Variants in ANKFN1 observed in about 807,000 individuals in gnomAD.
ANKFN1 encodes ankyrin repeat and fibronectin type-III domain-containing protein 1.
A neutral mutation model predicts 108.7 loss-of-function variants in ANKFN1; 74 were observed. The ratio of observed to expected loss-of-function variants is 0.68; its 90% CI spans 0.56 to 0.83. ANKFN1 has a LOEUF of 0.83. ANKFN1 is among the 40% of genes least tolerant of loss of function. The probability of loss-of-function intolerance (pLI) is 0.00; values close to 1 mark genes in which losing one functional copy is unlikely to be tolerated. For missense variants in ANKFN1, 1,505 were observed against 1,382.3 expected, an observed-to-expected ratio of 1.09 and a Z score of -1.41; for synonymous variants, 547 against 516.2, an observed-to-expected ratio of 1.06 and a Z score of -0.81.
chr17:56,445,615 T>C (rs1219660972), intron 10 of ANKFN1, among the ~76,000 whole-genome samples: 1 of 152,202 alleles, frequency 6.6e-6, no homozygotes, highest in African/African-American at 2.4e-5. Flanking sequence ...TATGACATTG[T>C]GATGTAACAT....
intron 1 of ANKFN1, among the ~76,000 whole-genome samples, chr17:56,167,649 A>G (rs1175190602): frequency 6.6e-6 from 1 of 152,166 alleles, no homozygotes; most frequent in East Asian, 1.9e-4. Flanking sequence ...TCAGTGGTTT[A>G]GCATGACAAA....
At chr17:56,430,296 A>G (rs559790501) in intron 8 of ANKFN1, among the ~76,000 whole-genome samples, 1 of 152,260 alleles carries the variant, frequency 6.6e-6, no homozygotes, top group East Asian at 1.9e-4. Flanking sequence ...CTTCTCCTAT[A>G]TGTGGAATCT....
At chr17:56,127,376 C>T (rs7215473) in intron 4 of ANKFN1, among the ~76,000 whole-genome samples, 1,573 of 152,194 alleles carry the variant, frequency 0.01, 26 homozygotes, top group African/African-American at 0.035. Context: ...TGCAGTGGCA[C>T]GGTCTCCGCT....
At chr17:56,119,260 C>T (rs115211807) in intron 4 of ANKFN1, among the ~76,000 whole-genome samples, 371 of 152,082 alleles carry the variant, frequency 2.4e-3, no homozygotes, top group African/African-American at 8.3e-3. Context: ...CATTTAAAGA[C>T]GAGTTAAAGA....
At chr17:56,161,336 A>G (rs1369501132) in intron 1 of ANKFN1, among the ~76,000 whole-genome samples, 1 of 152,194 alleles carries the variant, frequency 6.6e-6, no homozygotes, top group African/African-American at 2.4e-5. Context: ...ACTAATTGAG[A>G]AATGTACCTG....
intron 3 of ANKFN1, among the ~76,000 whole-genome samples, chr17:56,300,308 AG>A (rs1416517404): frequency 6.6e-6 from 1 of 152,228 alleles, no homozygotes; most frequent in Non-Finnish European, 1.5e-5. Flanking sequence ...ATGAGGGCAC[AG>A]GGCAAAACCA....
At chr17:56,431,006 C>T (rs748765136) in intron 8 of ANKFN1, among the ~76,000 whole-genome samples, 3 of 152,108 alleles carry the variant, frequency 2.0e-5, no homozygotes, top group African/African-American at 7.2e-5. Context: ...GCATTTGCAG[C>T]AAAATGAACA....
chr17:56,083,243 G>T (rs190369142), intron 4 of ANKFN1, among the ~76,000 whole-genome samples: 1 of 151,430 alleles, frequency 6.6e-6, no homozygotes, highest in African/African-American at 2.4e-5. Context: ...CTCAATAAAG[G>T]TCACTAAAAC....
intron 3 of ANKFN1, among the ~76,000 whole-genome samples, chr17:56,229,140 A>C (rs373320369): frequency 1.3e-5 from 2 of 152,102 alleles, no homozygotes; most frequent in Non-Finnish European, 2.9e-5. Flanking sequence ...CCCTCAAAAC[A>C]TTCAGATTTA....
chr17:56,356,643 G>A (rs1192748333), intron 6 of ANKFN1, among the ~76,000 whole-genome samples: 1 of 152,192 alleles, frequency 6.6e-6, no homozygotes, highest in Non-Finnish European at 1.5e-5. Flanking sequence ...CCCCTTTTTA[G>A]TGGAACTGGA....
intron 4 of ANKFN1, 40 bp from the exon 5 acceptor site, chr17:56,350,726 G>T: frequency 6.5e-7 from 1 of 1,535,240 alleles, no homozygotes; most frequent in Non-Finnish European, 9.0e-7. Flanking sequence ...CTTATAATTT[G>T]TGGTGTAAAA....
At chr17:56,310,069 T>A (rs537001904) in intron 3 of ANKFN1, among the ~76,000 whole-genome samples, 43 of 152,306 alleles carry the variant, frequency 2.8e-4, no homozygotes, top group Non-Finnish European at 5.1e-4. Flanking sequence ...CAGGAGCAGA[T>A]GAAATCAATG....
At chr17:56,155,763 C>A (rs1440670229) in intron 1 of ANKFN1, among the ~76,000 whole-genome samples, 1 of 152,082 alleles carries the variant, frequency 6.6e-6, no homozygotes, top group African/African-American at 2.4e-5. Context: ...ACACAGATCA[C>A]AGGGGCCTTG....
chr17:56,257,708 A>G (rs2043393651), intron 3 of ANKFN1, among the ~76,000 whole-genome samples: 1 of 152,202 alleles, frequency 6.6e-6, no homozygotes, highest in South Asian at 2.1e-4. Flanking sequence ...AGACAGCCAT[A>G]GTTTCCTTTG....
At chr17:56,483,801 G>A (rs1004593040) in intron 18 of ANKFN1, among the ~76,000 whole-genome samples, 2 of 152,172 alleles carry the variant, frequency 1.3e-5, no homozygotes, top group African/African-American at 4.8e-5. Flanking sequence ...CACTGTTTGG[G>A]GCAGGGTATT....
At position 56,354,055 on chromosome 17, in the gene ANKFN1, C is replaced by T; in HGVS notation, c.601+9C>T. The T allele has an allele frequency of 6.2e-7, 1 of 1,612,686 alleles. No homozygotes were observed. On this transcript the variant is annotated intron_variant, in intron 6 of 20. Transcript: ENST00000682825. ...CCGAGAAAGTCCACACTGTAAGTAA[C>T]CTGAGAATAAACACATGTACTATTA...
intron 4 of ANKFN1, among the ~76,000 whole-genome samples, chr17:56,143,740 A>G (rs973436430): frequency 6.6e-6 from 1 of 152,166 alleles, no homozygotes; most frequent in Non-Finnish European, 1.5e-5. Flanking sequence ...AAGGAGAGGG[A>G]TATGTGACAC....
rs551571949 is a variant in ANKFN1 at position 56,272,385 on chromosome 17, A to G, written c.53+44428A>G. Reference sequence around the variant, plus strand: ...AATTTGACTACTCTAGGAATCTCATATAAGTGGAATTATATATAATATTTG... The same window carrying G: ...AATTTGACTACTCTAGGAATCTCATGTAAGTGGAATTATATATAATATTTG... On this transcript the variant is annotated intron_variant, in intron 3 of 20. Coordinates refer to ENST00000682825, the MANE Select transcript of ANKFN1 (RefSeq NM_001370326.1). Among the ~76,000 whole-genome samples the G allele has an allele frequency of 7.6e-4, 115 of 152,306 alleles. 1 individual carries two copies. Among genetic ancestry groups the G allele is most frequent in the African/African-American group, 2.5e-3 (106 of 41,570 alleles).
chr17:56,297,562 C>T (rs1019995757), intron 3 of ANKFN1, among the ~76,000 whole-genome samples: 3 of 152,132 alleles, frequency 2.0e-5, no homozygotes, highest in Admixed American at 6.5e-5. Context: ...TCAAAAGAAC[C>T]ACCTGGTCCA....
Sources: allele counts gnomAD v4.1 joint callset (sites outside exome capture counted in the v4.1 genomes callset), GRCh38; gene constraint gnomAD v4.1.1; transcripts MANE v1.5; gene names NCBI Gene and HGNC (gene_info 2026-07-23, HGNC 2026-07-21).